Variants in ZNF718 observed in about 807,000 individuals in gnomAD.
The protein encoded by ZNF718 is zinc finger protein 718.
ZNF718 carries 3 observed loss-of-function variants against 2.6 expected under a neutral mutation model. The observed-to-expected ratio is 1.16, with a 90% CI of 0.53 to 3.01. ZNF718 has a LOEUF of 3.01. ZNF718 is among the 30% of genes most tolerant of loss of function. The pLI, the probability that ZNF718 is intolerant of heterozygous loss-of-function variation, is 0.03. For missense variants in ZNF718, 468 were observed against 230.0 expected (o/e 2.03, Z -6.69); for synonymous variants, 135 against 77.9 (o/e 1.73, Z -3.86).
chr4:162,410 C>T lies in ZNF718; in HGVS notation c.*288C>T, dbSNP rs1716934431. The T allele has an allele frequency of 7.5e-6, 2 of 268,380 alleles. No homozygotes were observed. Among genetic ancestry groups the T allele is most frequent in the Admixed American group, 4.7e-5 (1 of 21,346 alleles). The allele number at this position is 268,380 out of a possible 1,614,324, so 16.6% of individuals were successfully genotyped here. A position where few individuals can be genotyped will look rare whatever the true frequency, so the allele number is the denominator to read the frequency against. Reference sequence around the variant, plus strand: ...TTTAACCAATGCTCATATCTCTTTGCACATGATAGCATTTATACTTGAGAA... The same window carrying T: ...TTTAACCAATGCTCATATCTCTTTGTACATGATAGCATTTATACTTGAGAA... On this transcript the variant is annotated 3_prime_UTR_variant, in exon 4 of 4. Transcript: ENST00000510175.
chr4:148,315 A>G (rs1553811772), intron 3 of ZNF718, among the ~76,000 whole-genome samples: 2 of 152,028 alleles, frequency 1.3e-5, no homozygotes, highest in Non-Finnish European at 2.9e-5. Flanking sequence ...CCACATCAAA[A>G]TCCACCATCA....
intron 3 of ZNF718, among the ~76,000 whole-genome samples, chr4:182,681 C>T (rs1172795259): frequency 6.6e-6 from 1 of 152,066 alleles, no homozygotes; most frequent in African/African-American, 2.4e-5. Flanking sequence ...GATCCGCCCA[C>T]CTCAGCCTCC....
At chr4:168,996 A>T (rs1278708483), downstream of ZNF718, among the ~76,000 whole-genome samples, 1 of 152,196 alleles carries the variant, frequency 6.6e-6, no homozygotes, top group African/African-American at 2.4e-5. Flanking sequence ...ATTTAGTGCT[A>T]TAAATTTCCC....
At chr4:171,848 G>C (rs1258707534) in intron 3 of ZNF718, among the ~76,000 whole-genome samples, 1 of 152,290 alleles carries the variant, frequency 6.6e-6, no homozygotes, top group East Asian at 1.9e-4. Context: ...TGCACCCACT[G>C]TCTTGCACCC....
Position 161,558 on chromosome 4 carries a change from C to G in ZNF718, c.873C>G (p.Ala291=), listed in dbSNP as rs782032896. The G allele has an allele frequency of 2.6e-6, 2 of 780,820 alleles. No individual in the cohort carries two copies. The highest frequency in any genetic ancestry group is 2.4e-5 in the East Asian group (1 of 41,216). 48.4% of individuals were successfully genotyped at this position (780,820 alleles called of 1,614,324 possible). Residue 291 remains alanine (A), a synonymous_variant, in exon 4 of 4, where the codon GCC becomes GCG. Coordinates refer to ENST00000510175, the MANE Select transcript of ZNF718 (RefSeq NM_001039127.6). ...KYYKCEECGK[A]FKWSSSLNEH... ...ACAAATGTGAAGAATGTGGTAAAGC[C>G]TTTAAGTGGTCCTCATCCCTTAATG...
intron 3 of ZNF718, among the ~76,000 whole-genome samples, chr4:189,479 T>A (rs1717651437): frequency 6.6e-6 from 1 of 152,180 alleles, no homozygotes; most frequent in Non-Finnish European, 1.5e-5. Flanking sequence ...TCATCTTGTA[T>A]ATTAATCTCG....
Position 139,467 on chromosome 4 carries a change from A to G in ZNF718, c.226+7962A>G, listed in dbSNP as rs150536242. ...TTCACCTTTCCATAGGGCATGGGCC[A>G]TAAATAACTTTGTAACTTTATTTCA... is the stretch of plus-strand genomic sequence containing the variant. On this transcript the variant is annotated intron_variant, in intron 3 of 3. Coordinates refer to ENST00000510175, the MANE Select transcript of ZNF718 (RefSeq NM_001039127.6). 2.8e-3 allele frequency among the ~76,000 whole-genome samples: 427 copies of G among 152,354 alleles called. 16 individuals carry two copies. The East Asian group carries it at 0.075, about 27-fold the overall frequency.
intron 3 of ZNF718, among the ~76,000 whole-genome samples, chr4:200,250 T>C (rs368744552): frequency 4.6e-4 from 70 of 152,228 alleles, no homozygotes; most frequent in African/African-American, 1.6e-3. Context: ...TTTTTTTTTT[T>C]GTTTGTTTGT....
At chr4:149,136 T>A (rs541406602) in intron 3 of ZNF718, among the ~76,000 whole-genome samples, 1 of 152,326 alleles carries the variant, frequency 6.6e-6, no homozygotes, top group African/African-American at 2.4e-5. Context: ...TCCCCTTGTA[T>A]GTTTCACTTT....
chr4:183,456 TTGC>T (rs782498208), intron 3 of ZNF718, among the ~76,000 whole-genome samples: 22 of 152,350 alleles, frequency 1.4e-4, no homozygotes, highest in Middle Eastern at 6.8e-3. Context: ...TTTGTTCTTT[TTGC>T]TTAGAATTGC....
At chr4:173,103 T>G (rs1717273480) in intron 3 of ZNF718, among the ~76,000 whole-genome samples, 1 of 152,160 alleles carries the variant, frequency 6.6e-6, no homozygotes, top group Non-Finnish European at 1.5e-5. Context: ...ATACTTCCTG[T>G]ATTTATACCA....
chr4:126,858 C>T (rs1715244839), intron 1 of ZNF718, among the ~76,000 whole-genome samples: 1 of 148,330 alleles, frequency 6.7e-6, no homozygotes, highest in Non-Finnish European at 1.5e-5. Flanking sequence ...ACGGAGTCTT[C>T]GCTGTGTCGC....
At chr4:195,373 T>C (rs1166519253) in intron 3 of ZNF718, among the ~76,000 whole-genome samples, 4 of 152,196 alleles carry the variant, frequency 2.6e-5, no homozygotes, top group Admixed American at 6.5e-5. Context: ...TGGTTTTTTT[T>C]CTCAATCACC....
intron 3 of ZNF718, among the ~76,000 whole-genome samples, chr4:188,804 G>C (rs1220273406): frequency 1.3e-5 from 2 of 152,080 alleles, no homozygotes; most frequent in African/African-American, 4.8e-5. Context: ...TCTTGGCTGG[G>C]GCTGGGCGTT....
chr4:201,608 A>C (rs1415598014), intron 4 of ZNF718: 1 of 160,272 alleles, frequency 6.2e-6, no homozygotes, highest in Non-Finnish European at 1.4e-5. Flanking sequence ...TCAGTTCTAT[A>C]CATAACTGTT....
intron 3 of ZNF718, among the ~76,000 whole-genome samples, chr4:171,528 C>T (rs1443539919): frequency 1.3e-5 from 2 of 152,140 alleles, no homozygotes; most frequent in Non-Finnish European, 2.9e-5. Context: ...TTTACCCCCT[C>T]AAGCCTCGGC....
intron 3 of ZNF718, 149 bp from the exon 4 acceptor site, chr4:160,763 G>C: frequency 1.8e-6 from 1 of 554,802 alleles, no homozygotes; most frequent in South Asian, 2.7e-5. Flanking sequence ...ATGTTGGCCA[G>C]GCTGGTCTCG....
chr4:151,077 C>A (rs535218765), intron 3 of ZNF718, among the ~76,000 whole-genome samples: 1 of 152,150 alleles, frequency 6.6e-6, no homozygotes, highest in East Asian at 1.9e-4. Flanking sequence ...GTCTCACTAA[C>A]AATTGTTAGT....
chr4:157,411 G>A (rs1553813897), intron 3 of ZNF718, among the ~76,000 whole-genome samples: 5 of 151,838 alleles, frequency 3.3e-5, no homozygotes, highest in African/African-American at 7.3e-5. Context: ...CACCGCACCC[G>A]GCCTTGTTGT....
Sources: gnomAD v4.1 joint callset for allele counts (sites outside exome capture counted in the v4.1 genomes callset) on GRCh38, gnomAD v4.1.1 for gene constraint, MANE v1.5 for transcripts, NCBI Gene and HGNC (gene_info 2026-07-23, HGNC 2026-07-21) for gene names.